The following ZFPM2 variants were observed in gnomAD, a reference collection of about 807,000 sequenced individuals.
The protein encoded by ZFPM2 is zinc finger protein, FOG family member 2.
Under a neutral mutation model 98.6 loss-of-function variants are expected in ZFPM2, and 20 were observed. The ratio of observed to expected loss-of-function variants is 0.20; its 90% CI spans 0.14 to 0.29. ZFPM2 has a LOEUF of 0.29. ZFPM2 is among the 10% of genes least tolerant of loss of function. The pLI, the probability that ZFPM2 is intolerant of heterozygous loss-of-function variation, is 1.00. For missense variants in ZFPM2, 1,310 were observed against 1,388.6 expected (o/e 0.94, Z 0.90); for synonymous variants, 518 against 502.7 (o/e 1.03, Z -0.41).
intron 5 of ZFPM2, among the ~76,000 whole-genome samples, chr8:105,771,925 G>C (rs947992630): frequency 6.6e-6 from 1 of 152,120 alleles, no homozygotes; most frequent in African/African-American, 2.4e-5. Context: ...TAATTTGTGA[G>C]AGATGCTAAT....
chr8:105,330,583 TATATATATATAC>T (rs1812202992), intron 1 of ZFPM2, among the ~76,000 whole-genome samples: 7 of 42,270 alleles, frequency 1.7e-4, no homozygotes, highest in African/African-American at 5.8e-4. Flanking sequence ...TATATATACA[TATATATATATAC>T]ATATATATAT....
chr8:105,655,233 T>C (rs1243514191), intron 5 of ZFPM2, among the ~76,000 whole-genome samples: 3 of 144,268 alleles, frequency 2.1e-5, no homozygotes, highest in African/African-American at 7.7e-5. Context: ...CTTTTTTTTT[T>C]TTTTTTTTTT....
At chr8:105,632,262 TG>T (rs1296269770) in intron 4 of ZFPM2, among the ~76,000 whole-genome samples, 6 of 152,126 alleles carry the variant, frequency 3.9e-5, no homozygotes, top group Non-Finnish European at 7.4e-5. Context: ...CTCCACCTCC[TG>T]GGTTGAAGCA....
At chr8:105,651,806 A>G (rs2130869816) in intron 5 of ZFPM2, among the ~76,000 whole-genome samples, 1 of 152,348 alleles carries the variant, frequency 6.6e-6, no homozygotes, top group East Asian at 1.9e-4. Flanking sequence ...TCAACAGAAT[A>G]AACTCTAGTG....
At chr8:105,509,078 A>G (rs1017484714) in intron 3 of ZFPM2, among the ~76,000 whole-genome samples, 2 of 152,202 alleles carry the variant, frequency 1.3e-5, no homozygotes, top group Non-Finnish European at 2.9e-5. Flanking sequence ...AGGCCTATAT[A>G]TAGCAGCAAC....
chr8:105,609,151 A>G (rs747610549), intron 4 of ZFPM2, among the ~76,000 whole-genome samples: 7 of 152,102 alleles, frequency 4.6e-5, no homozygotes, highest in Non-Finnish European at 8.8e-5. Flanking sequence ...GAACTGAAGG[A>G]GGGGAGCGAG....
At chr8:105,569,606 T>C (rs899019533) in intron 4 of ZFPM2, among the ~76,000 whole-genome samples, 1 of 152,220 alleles carries the variant, frequency 6.6e-6, no homozygotes, top group African/African-American at 2.4e-5. Flanking sequence ...TTGAGAAAAG[T>C]TGACTAATTT....
intron 3 of ZFPM2, among the ~76,000 whole-genome samples, chr8:105,556,616 C>T (rs1410954218): frequency 1.3e-5 from 2 of 152,032 alleles, no homozygotes; most frequent in Non-Finnish European, 2.9e-5. Flanking sequence ...AAACTCCTTT[C>T]ACTCCAAATA....
At chr8:105,612,690 C>A (rs977267314) in intron 4 of ZFPM2, among the ~76,000 whole-genome samples, 1 of 152,144 alleles carries the variant, frequency 6.6e-6, no homozygotes, top group Non-Finnish European at 1.5e-5. Context: ...AATAATATAT[C>A]TAGACTTGGC....
chr8:105,764,217 T>C (rs1812801939), intron 5 of ZFPM2, among the ~76,000 whole-genome samples: 1 of 151,238 alleles, frequency 6.6e-6, no homozygotes, highest in Admixed American at 6.6e-5. Context: ...AACTTTAAAA[T>C]TGTAGGATTT....
intron 1 of ZFPM2, among the ~76,000 whole-genome samples, chr8:105,352,441 A>G (rs1812666464): frequency 5.3e-5 from 8 of 152,218 alleles, no homozygotes; most frequent in Admixed American, 5.2e-4. Flanking sequence ...AATAGCATTT[A>G]TATTAACCCA....
At chr8:105,526,353 G>A (rs548104284) in intron 3 of ZFPM2, among the ~76,000 whole-genome samples, 1 of 152,198 alleles carries the variant, frequency 6.6e-6, no homozygotes, top group East Asian at 1.9e-4. Flanking sequence ...ATGAAAACTT[G>A]GGTTTATTCA....
At chr8:105,616,503 A>G (rs13281515) in intron 4 of ZFPM2, among the ~76,000 whole-genome samples, 16,746 of 152,070 alleles carry the variant, frequency 0.11, 1,112 homozygotes, top group South Asian at 0.22. Context: ...ATAAATAGGC[A>G]TAGGTCTTTT....
chr8:105,471,591 A>G (rs549452301), intron 3 of ZFPM2, among the ~76,000 whole-genome samples: 7 of 152,278 alleles, frequency 4.6e-5, no homozygotes, highest in Non-Finnish European at 8.8e-5. Flanking sequence ...CCAAGCACTA[A>G]TATGTTTCTC....
At chr8:105,782,451 T>A (rs1813278329) in intron 5 of ZFPM2, 1 of 152,224 alleles carries the variant, frequency 6.6e-6, no homozygotes, top group Non-Finnish European at 1.5e-5. Context: ...TGATTTCAGG[T>A]GCCACCTGTT....
At chr8:105,536,024 G>T (rs2130609129) in intron 3 of ZFPM2, among the ~76,000 whole-genome samples, 1 of 152,198 alleles carries the variant, frequency 6.6e-6, no homozygotes, top group Admixed American at 6.5e-5. Context: ...AGTTCCAGAG[G>T]GTTATAGAAT....
chr8:105,660,028 A>G (rs948790187), intron 5 of ZFPM2, among the ~76,000 whole-genome samples: 10 of 152,224 alleles, frequency 6.6e-5, no homozygotes, highest in African/African-American at 2.4e-4. Context: ...AAAGAAAGAT[A>G]AACACTTTCC....
intron 5 of ZFPM2, among the ~76,000 whole-genome samples, chr8:105,661,529 A>G (rs1199962967): frequency 6.6e-6 from 1 of 152,184 alleles, no homozygotes; most frequent in Admixed American, 6.5e-5. Flanking sequence ...AAATAAGGGA[A>G]TTATATTTTC....
intron 2 of ZFPM2, among the ~76,000 whole-genome samples, chr8:105,436,659 G>A (rs1354194853): frequency 6.6e-6 from 1 of 152,142 alleles, no homozygotes; most frequent in Non-Finnish European, 1.5e-5. Context: ...TAAGTTAGAG[G>A]CATGGTCTTT....
Sources: allele counts gnomAD v4.1 joint callset (sites outside exome capture counted in the v4.1 genomes callset), GRCh38; gene constraint gnomAD v4.1.1; transcripts MANE v1.5; gene names NCBI Gene and HGNC (gene_info 2026-07-23, HGNC 2026-07-21).